Variants in GALNT1 observed in about 807,000 individuals in gnomAD.
GALNT1 encodes GalNAc transferase 1.
Under a neutral mutation model 65.7 loss-of-function variants are expected in GALNT1, and 17 were observed. That is an observed-to-expected ratio of 0.26 (90% CI 0.18 to 0.39). The LOEUF (loss-of-function observed/expected upper bound fraction) is 0.39. GALNT1 is among the 10% of genes least tolerant of loss of function. The probability of loss-of-function intolerance (pLI) is 1.00; values close to 1 mark genes in which losing one functional copy is unlikely to be tolerated. For missense variants in GALNT1, 460 were observed against 672.8 expected, an observed-to-expected ratio of 0.68 and a Z score of 3.50; for synonymous variants, 210 against 219.7, an observed-to-expected ratio of 0.96 and a Z score of 0.39.
intron 1 of GALNT1, among the ~76,000 whole-genome samples, chr18:35,604,052 T>A (rs1305125624): frequency 6.6e-6 from 1 of 152,142 alleles, no homozygotes; most frequent in Non-Finnish European, 1.5e-5. Flanking sequence ...ACTTGATAGA[T>A]AGTTTTTCGA....
intron 1 of GALNT1, among the ~76,000 whole-genome samples, chr18:35,598,502 G>T (rs2046535390): frequency 6.6e-6 from 1 of 152,034 alleles, no homozygotes; most frequent in African/African-American, 2.4e-5. Flanking sequence ...TTTGTGCCTG[G>T]CTTATTTCAC....
chr18:35,583,083 T>C (rs150644926), intron 1 of GALNT1, among the ~76,000 whole-genome samples: 1 of 152,346 alleles, frequency 6.6e-6, no homozygotes, highest in Non-Finnish European at 1.5e-5. Flanking sequence ...TTTTAAGTTC[T>C]GGGTACATGG....
intron 4 of GALNT1, 86 bp downstream of exon 4, chr18:35,677,843 AATT>A: frequency 1.1e-6 from 1 of 948,284 alleles, no homozygotes; most frequent in African/African-American, 1.7e-5. Flanking sequence ...TTAACCTAAT[AATT>A]TTATACAAAA....
intron 3 of GALNT1, among the ~76,000 whole-genome samples, chr18:35,676,705 G>A (rs2047715615): frequency 6.6e-6 from 1 of 152,180 alleles, no homozygotes; most frequent in Non-Finnish European, 1.5e-5. Context: ...GGATACCTGG[G>A]AGATAATTAT....
intron 11 of GALNT1, among the ~76,000 whole-genome samples, 163 bp downstream of exon 11, chr18:35,703,806 G>T (rs1289248461): frequency 1.3e-5 from 2 of 152,150 alleles, no homozygotes; most frequent in African/African-American, 4.8e-5. Flanking sequence ...AAATAAATGT[G>T]TTTTAATCTC....
At position 35,661,130 on chromosome 18, in the gene GALNT1, G is replaced by A. The variant is rs764027017; in HGVS notation, c.140-2498G>A. Among the ~76,000 whole-genome samples, 60 of 152,048 alleles carry A rather than the reference G, an allele frequency of 3.9e-4. 1 individual carries two copies. Among genetic ancestry groups the A allele is most frequent in the Non-Finnish European group, 6.2e-4 (42 of 68,006 alleles). On this transcript the variant is annotated intron_variant, in intron 2 of 11. Transcript: ENST00000269195. ...AAGTTTATATTTTGTAGTATTTATA[G>A]TAATAATTTCTCCAGTCCTCCTTAA...
intron 4 of GALNT1, 151 bp downstream of exon 4, chr18:35,677,908 A>C (rs992429451): frequency 1.6e-5 from 9 of 559,308 alleles, no homozygotes; most frequent in Non-Finnish European, 2.4e-5. Context: ...ATATGTAAAA[A>C]AGTACACCCT....
intron 1 of GALNT1, among the ~76,000 whole-genome samples, chr18:35,630,974 G>A (rs1018904837): frequency 3.0e-4 from 45 of 152,086 alleles, no homozygotes; most frequent in African/African-American, 8.4e-4. Flanking sequence ...TAAATTCCTC[G>A]ACACATACAC....
At chr18:35,622,316 G>T (rs1474415606) in intron 1 of GALNT1, among the ~76,000 whole-genome samples, 1 of 151,884 alleles carries the variant, frequency 6.6e-6, no homozygotes, top group Non-Finnish European at 1.5e-5. Flanking sequence ...CAGTGGCATA[G>T]TCACAGCTCA....
intron 4 of GALNT1, among the ~76,000 whole-genome samples, chr18:35,678,623 C>T (rs1206464666): frequency 6.6e-6 from 1 of 152,050 alleles, no homozygotes. Flanking sequence ...TCATGTGTTC[C>T]ACCAATGTTC....
At chr18:35,649,433 C>T (rs961036694) in intron 1 of GALNT1, among the ~76,000 whole-genome samples, 6 of 152,130 alleles carry the variant, frequency 3.9e-5, no homozygotes, top group South Asian at 2.1e-4. Context: ...TTATATATTC[C>T]GGATACTAGT....
In GALNT1 at chr18:35,661,335, C is replaced by T. The variant is rs375763393; in HGVS notation, c.140-2293C>T. ...CCAACATGGTGAAACCCCATTTCTACTGAAAATACAAAAATTAGCCAGATA... is the reference window on the plus strand; with the variant it reads ...CCAACATGGTGAAACCCCATTTCTATTGAAAATACAAAAATTAGCCAGATA... On this transcript the variant is annotated intron_variant, in intron 2 of 11. Coordinates refer to ENST00000269195, the MANE Select transcript of GALNT1 (RefSeq NM_020474.4). Among the ~76,000 whole-genome samples, 94 of 152,112 alleles carry T rather than the reference C, an allele frequency of 6.2e-4. 3 individuals carry two copies. The East Asian group carries it at 0.012, about 19-fold the overall frequency.
chr18:35,584,930 C>G (rs2046362973), intron 1 of GALNT1, among the ~76,000 whole-genome samples: 1 of 152,140 alleles, frequency 6.6e-6, no homozygotes, highest in Non-Finnish European at 1.5e-5. Context: ...GTTGGGGACC[C>G]CTGTATGGAG....
chr18:35,621,316 C>A lies in GALNT1; in HGVS notation c.-103-33244C>A, dbSNP rs554338681. 2.3e-4 allele frequency among the ~76,000 whole-genome samples: 29 copies of A among 128,782 alleles called. 2 individuals are homozygous for A. The highest frequency in any genetic ancestry group is 4.0e-4 in the Non-Finnish European group (24 of 60,578). 84.5% of individuals were successfully genotyped at this position (128,782 alleles called of 152,430 possible). ...ACCTCAGCCTCCCAAGTAGCTGGGACTACAGATGCGTGTCAACACACCTGG... is the reference window on the plus strand; with the variant it reads ...ACCTCAGCCTCCCAAGTAGCTGGGAATACAGATGCGTGTCAACACACCTGG... On this transcript the variant is annotated intron_variant, in intron 1 of 11. Transcript: ENST00000269195.
chr18:35,618,546 A>C (rs1329382827), intron 1 of GALNT1, among the ~76,000 whole-genome samples: 1 of 152,188 alleles, frequency 6.6e-6, no homozygotes, highest in Admixed American at 6.5e-5. Flanking sequence ...AGATAACCCA[A>C]GTGATTAGAG....
chr18:35,644,044 G>A (rs2047199300), intron 1 of GALNT1, among the ~76,000 whole-genome samples: 1 of 152,078 alleles, frequency 6.6e-6, no homozygotes, highest in African/African-American at 2.4e-5. Context: ...ACTAAACACT[G>A]TATTCTCTAA....
In GALNT1 at chr18:35,703,727, C is replaced by A; in HGVS notation, c.1533+84C>A. ...TACTTTATATCTAAAGGAATGAGTT[C>A]TTGTGGACCTTGAATATGGATCAAA... On this transcript the variant is annotated intron_variant, in intron 11 of 11. Coordinates refer to ENST00000269195, the MANE Select transcript of GALNT1 (RefSeq NM_020474.4). 4 of 1,321,882 alleles carry A rather than the reference C, an allele frequency of 3.0e-6. No individual in the cohort carries two copies. The South Asian group carries it at 4.5e-5, about 15-fold the overall frequency. 81.9% of individuals were successfully genotyped at this position (1,321,882 alleles called of 1,614,324 possible). A position where few individuals can be genotyped will look rare whatever the true frequency, so the allele number is the denominator to read the frequency against.
At chr18:35,658,470 T>C (rs1032310045) in intron 2 of GALNT1, among the ~76,000 whole-genome samples, 1 of 151,648 alleles carries the variant, frequency 6.6e-6, no homozygotes, top group African/African-American at 2.4e-5. Flanking sequence ...CAGTTGATGC[T>C]AATAAGCAAC....
chr18:35,626,658 G>A (rs1490402801), intron 1 of GALNT1, among the ~76,000 whole-genome samples: 1 of 152,180 alleles, frequency 6.6e-6, no homozygotes, highest in African/African-American at 2.4e-5. Context: ...ACATTGGGAG[G>A]TCTGGTCTTA....
Sources: allele counts gnomAD v4.1 joint callset (sites outside exome capture counted in the v4.1 genomes callset), GRCh38; gene constraint gnomAD v4.1.1; transcripts MANE v1.5; gene names NCBI Gene and HGNC (gene_info 2026-07-23, HGNC 2026-07-21).